Variants in KCNJ16 observed in about 807,000 individuals in gnomAD.
KCNJ16 encodes the protein inward rectifier potassium channel 16.
Under a neutral mutation model 18.5 loss-of-function variants are expected in KCNJ16, and 15 were observed. That is an observed-to-expected ratio of 0.81 (90% CI 0.54 to 1.25). The LOEUF is 1.25. KCNJ16 is among the 50% of genes most tolerant of loss of function. The pLI is 0.00. For missense variants in KCNJ16, 523 were observed against 525.7 expected, an observed-to-expected ratio of 0.99 and a Z score of 0.05; for synonymous variants, 174 against 186.5, an observed-to-expected ratio of 0.93 and a Z score of 0.55.
chr17:70,093,475 C>T (rs2072217202), intron 1 of KCNJ16, among the ~76,000 whole-genome samples: 1 of 152,104 alleles, frequency 6.6e-6, no homozygotes, highest in South Asian at 2.1e-4. Context: ...GGATCCGGGC[C>T]CACTCTAATG....
chr17:70,108,382 G>T (rs2073027579), intron 2 of KCNJ16: 1 of 152,218 alleles, frequency 6.6e-6, no homozygotes, highest in Non-Finnish European at 1.5e-5. Flanking sequence ...GTCAGGGAAG[G>T]TATGTTGGGA....
At chr17:70,083,278 T>A (rs2071633300) in intron 1 of KCNJ16, among the ~76,000 whole-genome samples, 1 of 149,242 alleles carries the variant, frequency 6.7e-6, no homozygotes, top group African/African-American at 2.4e-5. Flanking sequence ...ACTGTGTGTA[T>A]ATATAATACA....
chr17:70,086,892 A>C (rs1309902665), intron 1 of KCNJ16, among the ~76,000 whole-genome samples: 1 of 151,948 alleles, frequency 6.6e-6, no homozygotes, highest in African/African-American at 2.4e-5. Flanking sequence ...CAATTGTCAC[A>C]TTTTATTATT....
At chr17:70,113,491 T>C (rs760193881) in intron 2 of KCNJ16, among the ~76,000 whole-genome samples, 11 of 152,200 alleles carry the variant, frequency 7.2e-5, no homozygotes, top group Non-Finnish European at 1.5e-4. Context: ...GATGTGTCCA[T>C]AGTTTTTTCC....
intron 2 of KCNJ16, among the ~76,000 whole-genome samples, chr17:70,111,348 G>C (rs939992455): frequency 6.6e-6 from 1 of 152,152 alleles, no homozygotes; most frequent in Non-Finnish European, 1.5e-5. Flanking sequence ...CCCAAAAAGA[G>C]GAGATGGAGC....
At chr17:70,080,402 C>A (rs2071502451) in intron 1 of KCNJ16, among the ~76,000 whole-genome samples, 2 of 152,146 alleles carry the variant, frequency 1.3e-5, no homozygotes, top group African/African-American at 4.8e-5. Context: ...TTTCATAATG[C>A]AGGTATGACT....
chr17:70,110,615 C>T (rs367570956), intron 2 of KCNJ16, among the ~76,000 whole-genome samples: 3 of 152,150 alleles, frequency 2.0e-5, no homozygotes, highest in African/African-American at 4.8e-5. Flanking sequence ...TTTGGATCCA[C>T]GCAGTAGGAA....
intron 1 of KCNJ16, among the ~76,000 whole-genome samples, chr17:70,093,469 C>T (rs989258862): frequency 5.3e-5 from 8 of 152,270 alleles, no homozygotes; most frequent in African/African-American, 1.7e-4. Context: ...CGTATTGGAT[C>T]CGGGCCCACT....
In KCNJ16 at chr17:70,132,723, A is replaced by G. The variant is rs771961752; in HGVS notation, c.636A>G (p.Val212=). Residue 212 remains valine, a synonymous_variant, in exon 4 of 4, where the codon GTA becomes GTG. Coordinates refer to ENST00000392671, the MANE Select transcript of KCNJ16 (RefSeq NM_170741.4). ...GTGATTTTCGGCCAAACCACGTGGT[A>G]GAAGGAACAGTTAGAGCCCAACTTC... The part of the protein sequence containing the change: ...RIGDFRPNHV[V]EGTVRAQLLR... 7 of 1,614,042 alleles carry G rather than the reference A, an allele frequency of 4.3e-6. No homozygotes were observed. The highest frequency in any genetic ancestry group is 5.1e-6 in the Non-Finnish European group (6 of 1,180,042).
Position 70,132,374 on chromosome 17 carries a change from C to G in KCNJ16, c.287C>G (p.Ala96Gly). Residue 96 changes from alanine to glycine, a missense_variant, in exon 4 of 4, where the codon GCC becomes GGC. Coordinates refer to ENST00000392671, the MANE Select transcript of KCNJ16 (RefSeq NM_170741.4). Reference protein sequence around the residue: ...LIFGSVFWLIAFHHGDLLNDP... With the variant: ...LIFGSVFWLIGFHHGDLLNDP... ...TTTGGCTCTGTCTTTTGGCTCATAG[C>G]CTTTCATCATGGCGATCTATTAAAT... is the stretch of plus-strand genomic sequence containing the variant. 6.2e-7 allele frequency: 1 copy of G among 1,614,148 alleles called. No individual in the cohort carries two copies. The highest frequency in any genetic ancestry group is 1.3e-5 in the African/African-American group (1 of 75,036).
intron 2 of KCNJ16, among the ~76,000 whole-genome samples, chr17:70,123,909 C>A (rs536552776): frequency 3.3e-5 from 5 of 152,266 alleles, no homozygotes; most frequent in Non-Finnish European, 5.9e-5. Context: ...TTATGTAAAC[C>A]AGGTGAAGCC....
At chr17:70,094,495 TAAC>T (rs1248202673) in intron 1 of KCNJ16, among the ~76,000 whole-genome samples, 1 of 152,162 alleles carries the variant, frequency 6.6e-6, no homozygotes, top group Non-Finnish European at 1.5e-5. Flanking sequence ...CTTGAACTGC[TAAC>T]AATTAATAAA....
At chr17:70,090,506 A>G (rs2072036029) in intron 1 of KCNJ16, among the ~76,000 whole-genome samples, 1 of 152,202 alleles carries the variant, frequency 6.6e-6, no homozygotes, top group Admixed American at 6.5e-5. Flanking sequence ...TGTGTTGCCA[A>G]TTCATTGGGT....
chr17:70,115,292 G>A (rs2073358165), intron 2 of KCNJ16, among the ~76,000 whole-genome samples: 1 of 152,092 alleles, frequency 6.6e-6, no homozygotes, highest in Admixed American at 6.6e-5. Flanking sequence ...TGCTTGTAGG[G>A]ATATCTACAT....
intron 1 of KCNJ16, among the ~76,000 whole-genome samples, chr17:70,085,305 C>T (rs1256073898): frequency 2.0e-5 from 3 of 152,160 alleles, no homozygotes; most frequent in African/African-American, 7.2e-5. Flanking sequence ...ATGCACCATT[C>T]TAAATGCTTT....
intron 1 of KCNJ16, among the ~76,000 whole-genome samples, chr17:70,086,164 T>A (rs1262714007): frequency 6.6e-6 from 1 of 152,202 alleles, no homozygotes; most frequent in Non-Finnish European, 1.5e-5. Context: ...TTGTTAGAAA[T>A]ACTGCTCTTG....
intron 1 of KCNJ16, among the ~76,000 whole-genome samples, chr17:70,093,366 G>A (rs1366719556): frequency 5.9e-5 from 9 of 152,082 alleles, no homozygotes; most frequent in South Asian, 2.1e-4. Flanking sequence ...TGCTAGCCCC[G>A]GGCTTTCCTT....
chr17:70,131,128 C>T (rs1249890754), intron 3 of KCNJ16, among the ~76,000 whole-genome samples, 153 bp downstream of exon 3: 2 of 140,518 alleles, frequency 1.4e-5, no homozygotes, highest in South Asian at 2.2e-4. Flanking sequence ...AAGAGGGAAA[C>T]GAGATTAGCA....
At chr17:70,078,281 A>G (rs1439218644) in intron 1 of KCNJ16, among the ~76,000 whole-genome samples, 6 of 152,208 alleles carry the variant, frequency 3.9e-5, no homozygotes, top group Non-Finnish European at 8.8e-5. Flanking sequence ...TGACAGGTGT[A>G]TAAGAAAATT....
Sources: gnomAD v4.1 joint callset for allele counts (sites outside exome capture counted in the v4.1 genomes callset) on GRCh38, gnomAD v4.1.1 for gene constraint, MANE v1.5 for transcripts, NCBI Gene and HGNC (gene_info 2026-07-23, HGNC 2026-07-21) for gene names.